Variants in SUFU observed in about 807,000 individuals in gnomAD.
SUFU encodes the protein SUFU negative regulator of hedgehog signaling.
Under a neutral mutation model 58.9 loss-of-function variants are expected in SUFU, and 7 were observed. The observed-to-expected ratio is 0.12, with a 90% confidence interval of 0.07 to 0.22. SUFU has a LOEUF of 0.22. Among genes scored for constraint, SUFU ranks in the 10% least tolerant of loss-of-function variants. The pLI, the probability that SUFU is intolerant of heterozygous loss-of-function variation, is 1.00. For missense variants in SUFU, 451 were observed against 641.3 expected, an observed-to-expected ratio of 0.70 and a Z score of 3.20; for synonymous variants, 232 against 254.8, an observed-to-expected ratio of 0.91 and a Z score of 0.85.
chr10:102,574,832 G>A (rs7094188), intron 3 of SUFU, among the ~76,000 whole-genome samples: 23,047 of 152,046 alleles, frequency 0.15, 2,250 homozygotes, highest in East Asian at 0.41. Flanking sequence ...CAAGGCAGGC[G>A]GATCATGAGG....
At chr10:102,568,905 TATATATATATATATACAC>T (rs796390868) in intron 3 of SUFU, among the ~76,000 whole-genome samples, 7,819 of 20,084 alleles carry the variant, frequency 0.39, 936 homozygotes, top group Non-Finnish European at 0.41. Context: ...AAAATATATA[TATATATATATATATACAC>T]ATATATATAT....
intron 8 of SUFU, among the ~76,000 whole-genome samples, chr10:102,600,103 T>C (rs528623405): frequency 5.7e-4 from 87 of 152,264 alleles, no homozygotes; most frequent in African/African-American, 2.1e-3. Context: ...CCGGAGAGAC[T>C]GTGGCCACCC....
chr10:102,552,196 G>A (rs1337120815), intron 3 of SUFU, among the ~76,000 whole-genome samples: 1 of 152,126 alleles, frequency 6.6e-6, no homozygotes, highest in Non-Finnish European at 1.5e-5. Context: ...TCTAATCCCA[G>A]CAGTTTGAGA....
chr10:102,537,801 T>TTGAC (rs2062758066), intron 2 of SUFU, among the ~76,000 whole-genome samples: 1 of 152,216 alleles, frequency 6.6e-6, no homozygotes. Context: ...CATCCATCTA[T>TTGAC]TGACTGACTC....
chr10:102,540,938 C>A (rs188922804), intron 2 of SUFU, among the ~76,000 whole-genome samples: 21 of 152,128 alleles, frequency 1.4e-4, no homozygotes, highest in African/African-American at 4.8e-4. Flanking sequence ...AGGTGAATCA[C>A]TTGAACCCGG....
intron 2 of SUFU, among the ~76,000 whole-genome samples, chr10:102,542,458 A>T (rs1228180050): frequency 6.6e-6 from 1 of 151,104 alleles, no homozygotes; most frequent in South Asian, 2.1e-4. Context: ...TTTTTTAAGT[A>T]GAGATGGGGT....
chr10:102,541,608 AG>A (rs2062800371), intron 2 of SUFU, among the ~76,000 whole-genome samples: 1 of 150,332 alleles, frequency 6.7e-6, no homozygotes, highest in Non-Finnish European at 1.5e-5. Flanking sequence ...CATGTTGGCC[AG>A]GCTGGTCTCC....
chr10:102,579,793 C>T (rs1433126061), intron 3 of SUFU: 2 of 985,166 alleles, frequency 2.0e-6, no homozygotes, highest in East Asian at 2.3e-4. Flanking sequence ...GAGGGAAGCT[C>T]TCAAACCAAA....
intron 1 of SUFU, among the ~76,000 whole-genome samples, chr10:102,505,648 A>G (rs1318571436): frequency 1.3e-5 from 2 of 152,198 alleles, no homozygotes; most frequent in African/African-American, 4.8e-5. Context: ...CAAGAGGCCA[A>G]CAGCGTGGAG....
At chr10:102,594,331 T>C (rs2063438230) in intron 6 of SUFU, among the ~76,000 whole-genome samples, 1 of 152,188 alleles carries the variant, frequency 6.6e-6, no homozygotes, top group Admixed American at 6.5e-5. Flanking sequence ...CTTAAAAAAT[T>C]AGATTGCCAG....
intron 3 of SUFU, among the ~76,000 whole-genome samples, chr10:102,558,283 T>A (rs1423765876): frequency 6.6e-6 from 1 of 152,144 alleles, no homozygotes; most frequent in Non-Finnish European, 1.5e-5. Context: ...CCTTTTTAGT[T>A]CACTGCAGCC....
intron 3 of SUFU, among the ~76,000 whole-genome samples, chr10:102,591,243 G>A (rs538982119): frequency 2.0e-5 from 3 of 152,308 alleles, no homozygotes; most frequent in African/African-American, 7.2e-5. Context: ...GCTCATACTT[G>A]TAATCCCCGC....
chr10:102,610,448 A>G (rs2063611863), intron 8 of SUFU, among the ~76,000 whole-genome samples: 1 of 152,022 alleles, frequency 6.6e-6, no homozygotes, highest in Admixed American at 6.6e-5. Flanking sequence ...AGACAAAGGA[A>G]GTGCTGTAGA....
At chr10:102,563,456 G>A (rs2063058790) in intron 3 of SUFU, among the ~76,000 whole-genome samples, 2 of 152,164 alleles carry the variant, frequency 1.3e-5, no homozygotes, top group South Asian at 4.2e-4. Flanking sequence ...CTTGAGGCAA[G>A]TCATGGTGCA....
At chr10:102,615,143 C>A in intron 8 of SUFU, 125 bp from the exon 9 acceptor site, 1 of 1,385,918 alleles carries the variant, frequency 7.2e-7, no homozygotes, top group Non-Finnish European at 1.0e-6. Flanking sequence ...TGATGGCTGT[C>A]ACCATCATTA....
intron 2 of SUFU, among the ~76,000 whole-genome samples, chr10:102,532,277 T>G (rs2062685637): frequency 6.6e-6 from 1 of 152,168 alleles, no homozygotes; most frequent in Non-Finnish European, 1.5e-5. Context: ...GTTAGAACTT[T>G]CACTGGCTTA....
At chr10:102,600,050 T>C (rs1003692908) in intron 8 of SUFU, among the ~76,000 whole-genome samples, 13 of 152,088 alleles carry the variant, frequency 8.5e-5, no homozygotes, top group Non-Finnish European at 1.5e-5. Context: ...AAAGGAAGTC[T>C]TTTGCAGGCC....
At chr10:102,560,081 A>T (rs902184296) in intron 3 of SUFU, among the ~76,000 whole-genome samples, 7 of 151,738 alleles carry the variant, frequency 4.6e-5, no homozygotes, top group African/African-American at 1.7e-4. Context: ...GCTAACAGAG[A>T]TTTTTTTTTG....
chr10:102,585,652 T>C (rs2135844980), intron 3 of SUFU, among the ~76,000 whole-genome samples: 1 of 152,114 alleles, frequency 6.6e-6, no homozygotes, highest in Admixed American at 6.6e-5. Context: ...GACTACAGGC[T>C]TGGGCCACCA....
Sources: gnomAD v4.1 joint callset for allele counts (sites outside exome capture counted in the v4.1 genomes callset) on GRCh38, gnomAD v4.1.1 for gene constraint, MANE v1.5 for transcripts, NCBI Gene and HGNC (gene_info 2026-07-23, HGNC 2026-07-21) for gene names.